The following PREX1 variants were observed in gnomAD, a reference collection of about 807,000 sequenced individuals.
The protein encoded by PREX1 is phosphatidylinositol-3,4,5-trisphosphate dependent Rac exchange factor 1.
In PREX1, 41 loss-of-function variants were observed where a neutral mutation model predicts 198.3. The observed-to-expected ratio is 0.21, with a 90% CI of 0.16 to 0.27. The LOEUF (loss-of-function observed/expected upper bound fraction) is 0.27. PREX1 is among the 10% of genes least tolerant of loss of function. The pLI is 1.00. For missense variants in PREX1, 1,620 were observed against 2,200.7 expected, an observed-to-expected ratio of 0.74 and a Z score of 5.28; for synonymous variants, 843 against 887.2, an observed-to-expected ratio of 0.95 and a Z score of 0.89.
intron 2 of PREX1, among the ~76,000 whole-genome samples, chr20:48,745,493 T>C (rs1214645775): frequency 6.6e-6 from 1 of 152,194 alleles, no homozygotes; most frequent in Non-Finnish European, 1.5e-5. Flanking sequence ...GGTCAAAGTC[T>C]TGCAAGCAGC....
At chr20:48,710,072 T>C (rs1042498023) in intron 5 of PREX1, among the ~76,000 whole-genome samples, 4 of 152,156 alleles carry the variant, frequency 2.6e-5, no homozygotes, top group Non-Finnish European at 5.9e-5. Context: ...GCTCTTCCTC[T>C]GGAGGCCCCA....
At chr20:48,759,549 C>CAAAAA (rs386393896) in intron 1 of PREX1, among the ~76,000 whole-genome samples, 52 of 73,174 alleles carry the variant, frequency 7.1e-4, no homozygotes, top group East Asian at 8.3e-4. Flanking sequence ...GATTCCATCT[C>CAAAAA]AAAAAAAAAA....
chr20:48,826,273 C>A (rs2090508238), intron 1 of PREX1, among the ~76,000 whole-genome samples: 1 of 152,080 alleles, frequency 6.6e-6, no homozygotes, highest in South Asian at 2.1e-4. Context: ...GAGGCCCCAG[C>A]AGGAGGCATG....
At chr20:48,629,026 A>C (rs2089293674) in intron 37 of PREX1, among the ~76,000 whole-genome samples, 1 of 152,174 alleles carries the variant, frequency 6.6e-6, no homozygotes, top group Non-Finnish European at 1.5e-5. Context: ...ACAGTTTGTA[A>C]CGGAAGGTCA....
At chr20:48,748,583 T>A (rs1003958627) in intron 1 of PREX1, among the ~76,000 whole-genome samples, 2 of 152,140 alleles carry the variant, frequency 1.3e-5, no homozygotes, top group South Asian at 4.1e-4. Flanking sequence ...CCAGATCATC[T>A]CACAAGAAGC....
the PREX1 span, among the ~76,000 whole-genome samples, chr20:48,886,561 A>G: frequency 6.6e-6 from 1 of 152,316 alleles, no homozygotes; most frequent in South Asian, 2.1e-4. Flanking sequence ...CCCAGGCCTC[A>G]TGGTGGTGTT....
At chr20:48,859,030 G>C in the PREX1 span, among the ~76,000 whole-genome samples, 1 of 151,958 alleles carries the variant, frequency 6.6e-6, no homozygotes, top group South Asian at 2.1e-4. Context: ...CGAGTAGCTA[G>C]GACTACAGGC....
chr20:48,662,268 G>A (rs950362172), intron 15 of PREX1, among the ~76,000 whole-genome samples: 1 of 152,206 alleles, frequency 6.6e-6, no homozygotes, highest in African/African-American at 2.4e-5. Flanking sequence ...AAGATTCCAG[G>A]AGTGGGAGGA....
chr20:48,821,274 C>G (rs983232768), intron 1 of PREX1, among the ~76,000 whole-genome samples: 1 of 152,158 alleles, frequency 6.6e-6, no homozygotes, highest in African/African-American at 2.4e-5. Flanking sequence ...CCACCAAGCT[C>G]TCTTCCCAGG....
chr20:48,727,235 G>A (rs1037357242), intron 4 of PREX1, among the ~76,000 whole-genome samples: 4 of 152,106 alleles, frequency 2.6e-5, no homozygotes, highest in Non-Finnish European at 4.4e-5. Flanking sequence ...AGGAGTGTAC[G>A]TGATTCTGTC....
intron 1 of PREX1, among the ~76,000 whole-genome samples, chr20:48,748,249 AT>A (rs199988790): frequency 2.0e-5 from 3 of 150,650 alleles, no homozygotes; most frequent in East Asian, 1.9e-4. Flanking sequence ...TCCCCTTTCA[AT>A]TTTTTTTTTA....
intron 1 of PREX1, among the ~76,000 whole-genome samples, chr20:48,810,993 G>C (rs1291632934): frequency 6.6e-6 from 1 of 152,162 alleles, no homozygotes; most frequent in Non-Finnish European, 1.5e-5. Flanking sequence ...GAGGGGTGGA[G>C]ACTGTGGCTA....
intron 31 of PREX1, among the ~76,000 whole-genome samples, chr20:48,637,265 G>C (rs1224820268): frequency 6.6e-6 from 1 of 152,232 alleles, no homozygotes; most frequent in African/African-American, 2.4e-5. Flanking sequence ...TGGCCAGTGA[G>C]TTTTTTAGTG....
chr20:48,879,411 A>G, the PREX1 span, among the ~76,000 whole-genome samples: 1 of 150,024 alleles, frequency 6.7e-6, no homozygotes, highest in Non-Finnish European at 1.5e-5. Flanking sequence ...TACATTCATA[A>G]TAGTTGATAA....
intron 3 of PREX1, among the ~76,000 whole-genome samples, chr20:48,736,134 G>T (rs1269519087): frequency 1.3e-5 from 2 of 152,254 alleles, no homozygotes; most frequent in South Asian, 4.1e-4. Context: ...GAGTAGAACG[G>T]TGTCTGGCAC....
At chr20:48,762,646 T>A (rs1405293970) in intron 1 of PREX1, among the ~76,000 whole-genome samples, 1 of 151,884 alleles carries the variant, frequency 6.6e-6, no homozygotes, top group Non-Finnish European at 1.5e-5. Flanking sequence ...TCAGCTTCCC[T>A]CTCTATGAAA....
At chr20:48,730,091 G>A (rs1568842353) in intron 4 of PREX1, among the ~76,000 whole-genome samples, 1 of 152,046 alleles carries the variant, frequency 6.6e-6, no homozygotes, top group African/African-American at 2.4e-5. Flanking sequence ...AGCACCCACC[G>A]ACACCCTGAT....
chr20:48,641,151 G>A (rs1394263194), intron 29 of PREX1, among the ~76,000 whole-genome samples: 1 of 152,152 alleles, frequency 6.6e-6, no homozygotes, highest in Non-Finnish European at 1.5e-5. Context: ...GAGAACATAA[G>A]AAATTTCAAT....
chr20:48,755,381 C>A (rs1019420014), intron 1 of PREX1, among the ~76,000 whole-genome samples: 4 of 152,182 alleles, frequency 2.6e-5, no homozygotes, highest in African/African-American at 9.7e-5. Context: ...AAACAGAACT[C>A]CAGATTTAAA....
Sources: gnomAD v4.1 joint callset for allele counts (sites outside exome capture counted in the v4.1 genomes callset) on GRCh38, gnomAD v4.1.1 for gene constraint, MANE v1.5 for transcripts, NCBI Gene and HGNC (gene_info 2026-07-23, HGNC 2026-07-21) for gene names.